AGMO: variants seen among roughly 807,000 people sequenced by gnomAD.
AGMO encodes glyceryl-ether monooxygenase.
AGMO carries 75 observed loss-of-function variants against 60.2 expected under a neutral mutation model. The observed-to-expected ratio is 1.25, with a 90% confidence interval of 1.03 to 1.51. The LOEUF is 1.51. AGMO is among the 40% of genes most tolerant of loss of function. The pLI, the probability that AGMO is intolerant of heterozygous loss-of-function variation, is 0.00. For synonymous variants in AGMO, 261 were observed against 177.1 expected (o/e 1.47, Z -3.76); for missense variants, 763 against 525.5 (o/e 1.45, Z -4.42).
At chr7:15,260,763 A>G (rs1783244260) in intron 12 of AGMO, among the ~76,000 whole-genome samples, 1 of 152,050 alleles carries the variant, frequency 6.6e-6, no homozygotes, top group South Asian at 2.1e-4. Context: ...CATATGATGT[A>G]CCACAAAACA....
chr7:15,396,271 T>C (rs6966311), intron 5 of AGMO: 107,966 of 152,142 alleles, frequency 0.71, 38,863 homozygotes, highest in Middle Eastern at 0.81. Flanking sequence ...AAGGGCAGCT[T>C]CTCCGGAGTT....
At chr7:15,117,455 C>A in the AGMO span, among the ~76,000 whole-genome samples, 1 of 151,844 alleles carries the variant, frequency 6.6e-6, no homozygotes, top group Non-Finnish European at 1.5e-5. Flanking sequence ...TGTCAAAATG[C>A]AAAGAATTTT....
chr7:15,524,472 T>G (rs1301456717), intron 3 of AGMO, among the ~76,000 whole-genome samples: 1 of 152,174 alleles, frequency 6.6e-6, no homozygotes, highest in Non-Finnish European at 1.5e-5. Flanking sequence ...AAATGCTAAT[T>G]TTTGACAACT....
At chr7:15,358,514 G>A (rs532472562) in intron 12 of AGMO, 2 of 455,782 alleles carry the variant, frequency 4.4e-6, no homozygotes, top group Non-Finnish European at 9.1e-6. Context: ...TGAATTAGGA[G>A]GGTAAGAATC....
chr7:15,199,568 T>G (rs1425871455), downstream of AGMO, among the ~76,000 whole-genome samples: 1 of 152,170 alleles, frequency 6.6e-6, no homozygotes, highest in African/African-American at 2.4e-5. Context: ...TCTTTGCCAT[T>G]ACTGAAGAAT....
chr7:15,378,457 C>G (rs1397340207), intron 10 of AGMO, among the ~76,000 whole-genome samples: 1 of 151,838 alleles, frequency 6.6e-6, no homozygotes, highest in Non-Finnish European at 1.5e-5. Context: ...GTAGTGTTTT[C>G]TCCGTCCCTT....
chr7:15,496,215 G>T (rs1046833379), intron 3 of AGMO, among the ~76,000 whole-genome samples: 1 of 152,142 alleles, frequency 6.6e-6, no homozygotes, highest in African/African-American at 2.4e-5. Context: ...TGACACCACA[G>T]TGAGAAAGTG....
chr7:15,140,114 A>C, the AGMO span, among the ~76,000 whole-genome samples: 22 of 151,680 alleles, frequency 1.5e-4, no homozygotes, highest in African/African-American at 5.3e-4. Flanking sequence ...CAAAAGTAAA[A>C]AATATGCCAT....
chr7:15,306,611 A>T (rs1780622840), intron 12 of AGMO: 2 of 427,460 alleles, frequency 4.7e-6, no homozygotes, highest in South Asian at 3.4e-5. Flanking sequence ...AATTTGTGTT[A>T]CCTTGCTAAA....
Position 15,438,244 on chromosome 7 carries a change from TAAC to T in AGMO, c.410-7139_410-7137del, listed in dbSNP as rs564392293. Among the ~76,000 whole-genome samples the T allele has an allele frequency of 4.4e-3, 661 of 151,796 alleles. 5 individuals carry two copies. Among genetic ancestry groups the T allele is most frequent in the African/African-American group, 0.015 (632 of 41,468 alleles). On this transcript the variant is annotated intron_variant, in intron 3 of 12. Transcript: ENST00000342526. ...TACTTAAAAATCTAAATTATATTGA[TAAC>T]AATATTATTAGTAATAATAATAAAT...
intron 12 of AGMO, among the ~76,000 whole-genome samples, chr7:15,324,262 T>C (rs1409379960): frequency 6.6e-6 from 1 of 152,088 alleles, no homozygotes; most frequent in African/African-American, 2.4e-5. Flanking sequence ...GACAGAAAAC[T>C]GCATCAGTAT....
chr7:15,263,471 G>T (rs912177982), intron 12 of AGMO, among the ~76,000 whole-genome samples: 12 of 152,154 alleles, frequency 7.9e-5, no homozygotes, highest in Non-Finnish European at 1.5e-4. Flanking sequence ...ACTGTTGGTG[G>T]GAATGTAAAA....
chr7:15,386,605 T>G (rs2128483534), intron 9 of AGMO, among the ~76,000 whole-genome samples: 1 of 152,356 alleles, frequency 6.6e-6, no homozygotes, highest in Non-Finnish European at 1.5e-5. Flanking sequence ...TGTCATTATT[T>G]AGATCAGGAT....
chr7:15,361,531 C>G (rs1782756339), intron 12 of AGMO, among the ~76,000 whole-genome samples: 1 of 27,206 alleles, frequency 3.7e-5, no homozygotes, highest in Non-Finnish European at 6.7e-5. Context: ...CAGAGCGAGA[C>G]TGTGTCTCAA....
intron 12 of AGMO, among the ~76,000 whole-genome samples, chr7:15,267,988 G>A (rs1443035976): frequency 6.6e-6 from 1 of 151,774 alleles, no homozygotes; most frequent in Non-Finnish European, 1.5e-5. Flanking sequence ...TCTCAAAACT[G>A]TTACCAAACA....
chr7:15,544,884 A>G lies in AGMO; in HGVS notation c.297T>C (p.Tyr99=), dbSNP rs202094268. ...TGAACAGCCTGTAGTTCTCCCAGAT[A>G]TAAATATAACTGGTCAGTTCAATGC... ...FRSIELTSYI[Y]IWENYRLFNL... The change falls in exon 3 of 13, where the codon TAT becomes TAC. Residue 99 remains tyrosine, a synonymous_variant. Transcript: ENST00000342526. 99 of 1,597,772 alleles carry G rather than the reference A, an allele frequency of 6.2e-5. No individual in the cohort carries two copies. Among genetic ancestry groups the G allele is most frequent in the Non-Finnish European group, 1.7e-6 (2 of 1,171,054 alleles).
intron 12 of AGMO, among the ~76,000 whole-genome samples, chr7:15,343,542 A>T (rs566005848): frequency 5.0e-4 from 76 of 152,266 alleles, no homozygotes; most frequent in Admixed American, 7.8e-4. Context: ...GTCTTTCAGG[A>T]CTTATTACTA....
At chr7:15,183,107 G>A in the AGMO span, among the ~76,000 whole-genome samples, 1 of 141,246 alleles carries the variant, frequency 7.1e-6, no homozygotes, top group African/African-American at 2.7e-5. Flanking sequence ...AAACCATATT[G>A]CACTTCTTTT....
At chr7:15,226,894 G>A (rs1295818859) in intron 12 of AGMO, among the ~76,000 whole-genome samples, 2 of 151,854 alleles carry the variant, frequency 1.3e-5, no homozygotes, top group African/African-American at 4.8e-5. Flanking sequence ...AAAAGAAAAT[G>A]CAAGAAATGT....
Sources: allele counts gnomAD v4.1 joint callset (sites outside exome capture counted in the v4.1 genomes callset), GRCh38; gene constraint gnomAD v4.1.1; transcripts MANE v1.5; gene names NCBI Gene and HGNC (gene_info 2026-07-23, HGNC 2026-07-21).